Variants in TMEM108 observed in about 807,000 individuals in gnomAD.
The protein encoded by TMEM108 is cancer/testis antigen 124.
In TMEM108, 12 loss-of-function variants were observed where a neutral mutation model predicts 35.1. The observed-to-expected ratio is 0.34, with a 90% CI of 0.22 to 0.55. TMEM108 has a LOEUF of 0.55. TMEM108 is among the 20% of genes least tolerant of loss of function. The pLI is 0.89. For missense variants in TMEM108, 680 were observed against 753.3 expected (o/e 0.90, Z 1.14); for synonymous variants, 287 against 308.6 (o/e 0.93, Z 0.73).
chr3:133,370,876 GTGT>G (rs2072643350), intron 3 of TMEM108, among the ~76,000 whole-genome samples: 1 of 45,698 alleles, frequency 2.2e-5, no homozygotes, highest in African/African-American at 7.9e-5. Context: ...CCCATAGTGT[GTGT>G]GTGTGTGTGT....
chr3:133,308,319 G>T (rs995406013), intron 3 of TMEM108, among the ~76,000 whole-genome samples: 6 of 152,114 alleles, frequency 3.9e-5, no homozygotes, highest in Admixed American at 6.5e-5. Flanking sequence ...GAAACTATTT[G>T]ACTTCCCTTT....
At chr3:133,356,558 C>T (rs2072176653) in intron 3 of TMEM108, among the ~76,000 whole-genome samples, 1 of 152,104 alleles carries the variant, frequency 6.6e-6, no homozygotes, top group Non-Finnish European at 1.5e-5. Flanking sequence ...CATCACATTA[C>T]CAATCTTCAA....
At chr3:133,049,378 T>C (rs1250598636) in intron 2 of TMEM108, among the ~76,000 whole-genome samples, 1 of 152,198 alleles carries the variant, frequency 6.6e-6, no homozygotes, top group African/African-American at 2.4e-5. Context: ...GGCTACCATA[T>C]TGGACATTGC....
chr3:133,395,970 A>G lies in TMEM108; in HGVS notation c.1712A>G (p.Gln571Arg). The G allele has an allele frequency of 6.3e-7, 1 of 1,599,936 alleles. No individual in the cohort carries two copies. Among genetic ancestry groups the G allele is most frequent in the Non-Finnish European group, 8.5e-7 (1 of 1,173,652 alleles). ...CQETLFVGND[Q>R]VSEI ...GAAACACTGTTTGTGGGAAACGATC[A>G]AGTATCTGAGATCTAACTACAGCAG... The change falls in exon 6 of 6, where the codon CAA becomes CGA. Residue 571 changes from glutamine (Q) to arginine (R), a missense_variant. Physicochemically the swap from Gln to Arg is conservative, Grantham distance 43 (BLOSUM62 1). Coordinates refer to ENST00000321871, the MANE Select transcript of TMEM108 (RefSeq NM_023943.4).
intron 2 of TMEM108, among the ~76,000 whole-genome samples, chr3:133,057,134 C>T (rs2107678977): frequency 6.6e-6 from 1 of 152,250 alleles, no homozygotes; most frequent in South Asian, 2.1e-4. Flanking sequence ...CTGCCCTCGT[C>T]TGTCAGCTAC....
chr3:133,333,428 C>A (rs2071424256), intron 3 of TMEM108, among the ~76,000 whole-genome samples: 1 of 151,920 alleles, frequency 6.6e-6, no homozygotes, highest in Admixed American at 6.6e-5. Context: ...ACATTTATTT[C>A]CATACCTTTT....
At chr3:133,245,857 G>A (rs1346297385) in intron 3 of TMEM108, among the ~76,000 whole-genome samples, 1 of 151,964 alleles carries the variant, frequency 6.6e-6, no homozygotes, top group Non-Finnish European at 1.5e-5. Context: ...AAAGAAATAG[G>A]CAAAAGCAAT....
intron 3 of TMEM108, among the ~76,000 whole-genome samples, chr3:133,294,539 TG>T (rs1201996539): frequency 6.6e-6 from 1 of 152,206 alleles, no homozygotes; most frequent in East Asian, 1.9e-4. Context: ...TTTCTGGAGA[TG>T]GGGGATTTGC....
chr3:133,199,848 ATGCCT>A (rs1945635277), intron 2 of TMEM108, among the ~76,000 whole-genome samples: 1 of 152,150 alleles, frequency 6.6e-6, no homozygotes, highest in Non-Finnish European at 1.5e-5. Context: ...TTTTTCAGCT[ATGCCT>A]TGCCCCCAGA....
At chr3:133,088,345 C>A (rs1250739394) in intron 2 of TMEM108, among the ~76,000 whole-genome samples, 2 of 152,106 alleles carry the variant, frequency 1.3e-5, no homozygotes, top group Non-Finnish European at 2.9e-5. Flanking sequence ...GAGAAGAGGG[C>A]TTTGGAGGAG....
chr3:133,156,064 T>TTTTATTTATTTATTTA (rs4017412), intron 2 of TMEM108, among the ~76,000 whole-genome samples: 4,480 of 146,134 alleles, frequency 0.031, 144 homozygotes, highest in African/African-American at 0.072. Flanking sequence ...TTATTTTTTC[T>TTTTATTTATTTATTTA]TTTATTTATT....
rs144634721 is a variant in TMEM108, at chr3:133,333,537, C to T, written c.41-46215C>T. On this transcript the variant is annotated intron_variant, in intron 3 of 5. Coordinates refer to ENST00000321871, the MANE Select transcript of TMEM108 (RefSeq NM_023943.4). Reference sequence around the variant, plus strand: ...GATGTGTGAATCAAAAGTAGAGAATCAAAAAATAAATAAACAATAAAGGAC... The same window carrying T: ...GATGTGTGAATCAAAAGTAGAGAATTAAAAAATAAATAAACAATAAAGGAC... Among the ~76,000 whole-genome samples the T allele has an allele frequency of 8.5e-4, 130 of 152,048 alleles. 2 individuals are homozygous for T. In the East Asian group the frequency reaches 0.023, roughly 27 times the overall value.
intron 2 of TMEM108, among the ~76,000 whole-genome samples, chr3:133,108,273 A>G (rs1944181520): frequency 6.6e-6 from 1 of 152,072 alleles, no homozygotes; most frequent in African/African-American, 2.4e-5. Flanking sequence ...CATCCTCTCC[A>G]GCACCTGTTT....
intron 2 of TMEM108, among the ~76,000 whole-genome samples, chr3:133,084,402 G>A (rs1327745331): frequency 6.6e-6 from 1 of 152,110 alleles, no homozygotes; most frequent in African/African-American, 2.4e-5. Context: ...GAGAAGAAAT[G>A]GCCTCAAATT....
intron 2 of TMEM108, among the ~76,000 whole-genome samples, chr3:133,180,156 G>T (rs2107802072): frequency 6.6e-6 from 1 of 152,004 alleles, no homozygotes; most frequent in East Asian, 1.9e-4. Context: ...TTATCAAAAG[G>T]GAAAATTCTA....
intron 2 of TMEM108, among the ~76,000 whole-genome samples, chr3:133,152,481 A>G (rs1944816416): frequency 6.6e-6 from 1 of 152,156 alleles, no homozygotes; most frequent in Non-Finnish European, 1.5e-5. Context: ...AAGAATAAAA[A>G]CAGGAAATCC....
At chr3:133,265,426 C>T (rs1191731817) in intron 3 of TMEM108, among the ~76,000 whole-genome samples, 1 of 152,140 alleles carries the variant, frequency 6.6e-6, no homozygotes, top group Non-Finnish European at 1.5e-5. Flanking sequence ...GCAGCACTTT[C>T]GGCACTAGCA....
At chr3:133,103,112 C>A (rs1234367684) in intron 2 of TMEM108, among the ~76,000 whole-genome samples, 1 of 152,146 alleles carries the variant, frequency 6.6e-6, no homozygotes, top group Admixed American at 6.5e-5. Flanking sequence ...ATAAATTATT[C>A]TCTTATAAAG....
intron 3 of TMEM108, among the ~76,000 whole-genome samples, chr3:133,231,044 A>G (rs1946145746): frequency 6.6e-6 from 1 of 152,216 alleles, no homozygotes; most frequent in Admixed American, 6.5e-5. Flanking sequence ...ACTGACATGC[A>G]TATACACACA....
Sources: allele counts gnomAD v4.1 joint callset (sites outside exome capture counted in the v4.1 genomes callset), GRCh38; gene constraint gnomAD v4.1.1; transcripts MANE v1.5; gene names NCBI Gene and HGNC (gene_info 2026-07-23, HGNC 2026-07-21).